Variants in ATG14 observed in about 807,000 individuals in gnomAD.
The protein encoded by ATG14 is autophagy related 14, also known as beclin 1-associated autophagy-related key regulator.
A neutral mutation model predicts 60.4 loss-of-function variants in ATG14; 35 were observed. That is an observed-to-expected ratio of 0.58 (90% confidence interval 0.44 to 0.77). ATG14 has a LOEUF of 0.77. Ranked by LOEUF, ATG14 falls within the 30% of genes least tolerant of loss-of-function variation. The pLI is 0.00. For synonymous variants in ATG14, 234 were observed against 228.8 expected, an observed-to-expected ratio of 1.02 and a Z score of -0.21; for missense variants, 647 against 626.3, an observed-to-expected ratio of 1.03 and a Z score of -0.35.
intron 9 of ATG14, among the ~76,000 whole-genome samples, chr14:55,370,843 G>A (rs752589246): frequency 1.1e-4 from 16 of 152,088 alleles, no homozygotes; most frequent in Admixed American, 2.0e-4. Context: ...GTTTCACCAC[G>A]TTGGCCAGGC....
chr14:55,386,149 AC>A, intron 4 of ATG14, 53 bp from the exon 5 acceptor site: 1 of 1,443,152 alleles, frequency 6.9e-7, no homozygotes, highest in African/African-American at 1.4e-5. Flanking sequence ...GTTCCTGTGT[AC>A]TGCAGAGCTC....
Position 55,393,209 on chromosome 14 carries a change from G to T in ATG14, c.328-2217C>A, listed in dbSNP as rs6573019. Among the ~76,000 whole-genome samples, 20 of 151,342 alleles carry T rather than the reference G, an allele frequency of 1.3e-4. 1 individual carries two copies. Among genetic ancestry groups the T allele is most frequent in the Admixed American group, 6.6e-4 (10 of 15,172 alleles). Reference sequence around the variant, plus strand: ...ATCCTGGCTAACACGGTGAAACCCCGTCTCTACTAAAAAAACACAAAAAAA... The same window carrying T: ...ATCCTGGCTAACACGGTGAAACCCCTTCTCTACTAAAAAAACACAAAAAAA... On this transcript the variant is annotated intron_variant, in intron 3 of 9. Transcript: ENST00000247178.
Position 55,368,658 on chromosome 14 carries a change from C to A in ATG14, c.*961G>T, listed in dbSNP as rs1884740282. 6.6e-6 allele frequency: 1 copy of A among 152,134 alleles called. No homozygotes were observed. The highest frequency in any genetic ancestry group is 2.4e-5 in the African/African-American group (1 of 41,418). The allele number at this position is 152,134 out of a possible 1,614,324, so 9.4% of individuals were successfully genotyped here. A position where few individuals can be genotyped will look rare whatever the true frequency, so the allele number is the denominator to read the frequency against. ...TCGGGGAAACAAGTAGGATGGTTTC[C>A]CCTGAAAACACCTGCCACCTACTCA... On this transcript the variant is annotated 3_prime_UTR_variant, in exon 10 of 10. Coordinates refer to ENST00000247178, the MANE Select transcript of ATG14 (RefSeq NM_014924.5).
chr14:55,382,074 G>A lies in ATG14; in HGVS notation c.765C>T (p.His255=), dbSNP rs781251698. Residue 255 remains histidine, a synonymous_variant, in exon 6 of 10, where the codon CAC becomes CAT. Transcript: ENST00000247178. The part of the protein sequence containing the change: ...YLSGRWVCDD[H]NGDTSISITG... ...TAATGCTAATGCTGGTGTCTCCGTT[G>A]TGATCGTCACAGACCCATCGTCCTG... is the stretch of plus-strand genomic sequence containing the variant. The A allele has an allele frequency of 6.2e-7, 1 of 1,614,166 alleles. No homozygotes were observed. Among genetic ancestry groups the A allele is most frequent in the Non-Finnish European group, 8.5e-7 (1 of 1,180,028 alleles).
intron 4 of ATG14, 26 bp from the exon 5 acceptor site, chr14:55,386,122 A>G: frequency 6.3e-7 from 1 of 1,577,640 alleles, no homozygotes; most frequent in South Asian, 1.1e-5. Flanking sequence ...CACACCCAAC[A>G]ATTATCTCTG....
At chr14:55,384,253 G>A (rs1268636384) in intron 5 of ATG14, among the ~76,000 whole-genome samples, 1 of 152,134 alleles carries the variant, frequency 6.6e-6, no homozygotes, top group Non-Finnish European at 1.5e-5. Context: ...TTTTCTCCTC[G>A]TGTGTGTATT....
At chr14:55,379,791 A>C (rs1427348610) in intron 7 of ATG14, among the ~76,000 whole-genome samples, 7 of 152,208 alleles carry the variant, frequency 4.6e-5, no homozygotes, top group African/African-American at 1.7e-4. Flanking sequence ...GTGTGATCTC[A>C]GCATCACTGC....
At chr14:55,403,164 G>A (rs551007086) in intron 1 of ATG14, among the ~76,000 whole-genome samples, 1 of 151,538 alleles carries the variant, frequency 6.6e-6, no homozygotes, top group Admixed American at 6.6e-5. Context: ...TTCCTCATTT[G>A]TAAAATGGGA....
intron 1 of ATG14, among the ~76,000 whole-genome samples, chr14:55,405,807 A>C (rs1000054702): frequency 6.6e-6 from 1 of 151,248 alleles, no homozygotes; most frequent in African/African-American, 2.4e-5. Flanking sequence ...CCCTTAAGGA[A>C]GCATACAGTT....
At chr14:55,392,624 G>C (rs1885237648) in intron 3 of ATG14, among the ~76,000 whole-genome samples, 1 of 149,704 alleles carries the variant, frequency 6.7e-6, no homozygotes, top group Non-Finnish European at 1.5e-5. Context: ...ACTCCAGCCT[G>C]GGTGATATAG....
chr14:55,388,826 A>AG (rs1411930395), intron 4 of ATG14, among the ~76,000 whole-genome samples: 2 of 152,234 alleles, frequency 1.3e-5, no homozygotes, highest in Non-Finnish European at 2.9e-5. Flanking sequence ...AACCCTGGCA[A>AG]GTCATCAGAA....
Position 55,377,978 on chromosome 14 carries a change from T to C in ATG14, c.1086+6A>G. ...TAAAAATTAGTTCACAACCTATTTT[T>C]CATACCTGAGAAAAACAAAGGTAAA... On this transcript the variant is annotated splice_donor_region_variant and intron_variant, in intron 8 of 9. Transcript: ENST00000247178. 5.6e-6 allele frequency: 9 copies of C among 1,605,516 alleles called. No individual in the cohort carries two copies. The highest frequency in any genetic ancestry group is 6.8e-6 in the Non-Finnish European group (8 of 1,174,228).
rs1395765601 is a variant in ATG14 at position 55,366,795 on chromosome 14, C to T, written c.*2824G>A. On this transcript the variant is annotated 3_prime_UTR_variant, in exon 10 of 10. Transcript: ENST00000247178. ...TATGGCTTTTTGTTTAAACAAAATA[C>T]CAGCTTCAATTTTTTAAAAAGCTGT... 6.6e-6 allele frequency: 1 copy of T among 152,430 alleles called. No individual in the cohort carries two copies. Among genetic ancestry groups the T allele is most frequent in the African/African-American group, 2.4e-5 (1 of 41,354 alleles). The allele number at this position is 152,430 out of a possible 1,614,324, so 9.4% of individuals were successfully genotyped here. A position where few individuals can be genotyped will look rare whatever the true frequency, so the allele number is the denominator to read the frequency against.
intron 4 of ATG14, among the ~76,000 whole-genome samples, chr14:55,387,516 T>C (rs900517481): frequency 3.9e-5 from 6 of 152,192 alleles, no homozygotes; most frequent in Non-Finnish European, 7.3e-5. Context: ...GCATAGCTCT[T>C]GGTTCCTCAG....
intron 9 of ATG14, among the ~76,000 whole-genome samples, chr14:55,370,842 C>T (rs995648026): frequency 1.3e-4 from 19 of 151,822 alleles, no homozygotes; most frequent in Non-Finnish European, 2.5e-4. Context: ...GGTTTCACCA[C>T]GTTGGCCAGG....
chr14:55,370,780 A>G (rs1200931299), intron 9 of ATG14, among the ~76,000 whole-genome samples: 2 of 151,872 alleles, frequency 1.3e-5, no homozygotes, highest in East Asian at 3.9e-4. Context: ...AGCTGGGATT[A>G]CAGGCACCTG....
chr14:55,400,723 C>T (rs902555593), intron 1 of ATG14, among the ~76,000 whole-genome samples: 5 of 151,828 alleles, frequency 3.3e-5, no homozygotes, highest in African/African-American at 7.3e-5. Context: ...GCCAACATGG[C>T]GAAACTCTGT....
At chr14:55,380,428 G>A (rs1885007234) in intron 7 of ATG14, 145 bp downstream of exon 7, 1 of 588,006 alleles carries the variant, frequency 1.7e-6, no homozygotes, top group Non-Finnish European at 3.0e-6. Context: ...TAAGGCTTTT[G>A]AAATTAATCT....
intron 1 of ATG14, among the ~76,000 whole-genome samples, chr14:55,402,973 A>ATATATATATATATATATG (rs1566585838): frequency 9.1e-6 from 1 of 109,428 alleles, no homozygotes; most frequent in Non-Finnish European, 1.8e-5. Flanking sequence ...ATATATAAAT[A>ATATATATATATATATATG]GCTGGGCATA....
Sources: allele counts gnomAD v4.1 joint callset (sites outside exome capture counted in the v4.1 genomes callset), GRCh38; gene constraint gnomAD v4.1.1; transcripts MANE v1.5; gene names NCBI Gene and HGNC (gene_info 2026-07-23, HGNC 2026-07-21).